DDHD1: variants seen among roughly 807,000 people sequenced by gnomAD.
The protein encoded by DDHD1 is DDHD domain containing 1.
DDHD1 carries 49 observed loss-of-function variants against 96.4 expected under a neutral mutation model. The ratio of observed to expected loss-of-function variants is 0.51; its 90% CI spans 0.40 to 0.64. DDHD1 has a LOEUF of 0.64. Ranked by LOEUF, DDHD1 falls within the 30% of genes least tolerant of loss-of-function variation. The pLI, the probability that DDHD1 is intolerant of heterozygous loss-of-function variation, is 0.00. For synonymous variants in DDHD1, 442 were observed against 446.5 expected (o/e 0.99, Z 0.13); for missense variants, 1,106 against 1,161.2 (o/e 0.95, Z 0.69).
At chr14:53,139,966 A>T (rs1373248621) in intron 1 of DDHD1, among the ~76,000 whole-genome samples, 28 of 152,144 alleles carry the variant, frequency 1.8e-4, no homozygotes, top group Non-Finnish European at 7.4e-5. Context: ...GGTAAGCAAC[A>T]TGTATAATTA....
chr14:53,122,385 T>G (rs1889061456), intron 1 of DDHD1, among the ~76,000 whole-genome samples: 1 of 152,182 alleles, frequency 6.6e-6, no homozygotes, highest in Non-Finnish European at 1.5e-5. Context: ...GGCAGATTTC[T>G]AACAGTCCCC....
chr14:53,102,749 T>G (rs891458075), intron 2 of DDHD1, among the ~76,000 whole-genome samples: 2 of 151,996 alleles, frequency 1.3e-5, no homozygotes, highest in African/African-American at 2.4e-5. Flanking sequence ...TAAAGCTTAG[T>G]GCTGACATTA....
intron 1 of DDHD1, among the ~76,000 whole-genome samples, chr14:53,134,637 G>A (rs922240602): frequency 6.1e-5 from 9 of 147,400 alleles, no homozygotes; most frequent in Admixed American, 1.4e-4. Flanking sequence ...ATTTTTAAAT[G>A]AAGAGTGTTG....
intron 1 of DDHD1, among the ~76,000 whole-genome samples, chr14:53,114,969 A>C (rs1005181286): frequency 2.0e-5 from 3 of 152,216 alleles, no homozygotes; most frequent in Admixed American, 2.0e-4. Context: ...ATGGAGGCTA[A>C]GAACCTTGAT....
intron 6 of DDHD1, among the ~76,000 whole-genome samples, chr14:53,068,170 G>A (rs1041059134): frequency 8.6e-5 from 13 of 150,886 alleles, no homozygotes; most frequent in African/African-American, 2.9e-4. Flanking sequence ...GATGAGATAC[G>A]GTATTTAGCT....
intron 10 of DDHD1, among the ~76,000 whole-genome samples, chr14:53,055,027 A>G (rs537076393): frequency 4.3e-4 from 65 of 152,358 alleles, no homozygotes; most frequent in African/African-American, 1.5e-3. Flanking sequence ...ATCAATAAAC[A>G]ATGTATTAAC....
At chr14:53,141,373 G>C (rs1156410628) in intron 1 of DDHD1, among the ~76,000 whole-genome samples, 1 of 152,152 alleles carries the variant, frequency 6.6e-6, no homozygotes, top group Non-Finnish European at 1.5e-5. Context: ...TTTAGACTAG[G>C]GGGTTTATGA....
At chr14:53,064,986 T>C (rs1883898721) in intron 6 of DDHD1, among the ~76,000 whole-genome samples, 1 of 152,182 alleles carries the variant, frequency 6.6e-6, no homozygotes. Flanking sequence ...GATCCCTTTG[T>C]GACCAAGTGT....
chr14:53,106,989 G>A (rs568370996), intron 1 of DDHD1, among the ~76,000 whole-genome samples: 2 of 152,138 alleles, frequency 1.3e-5, no homozygotes, highest in African/African-American at 4.8e-5. Context: ...TCTCTTGGTT[G>A]TTTTCCTTCC....
At chr14:53,116,829 C>T (rs756788382) in intron 1 of DDHD1, among the ~76,000 whole-genome samples, 20 of 151,994 alleles carry the variant, frequency 1.3e-4, no homozygotes, top group Admixed American at 1.3e-3. Flanking sequence ...GAAGCAAGAG[C>T]AAACAAATTC....
rs114839765 is a variant in DDHD1, at chr14:53,084,841, G to A, written c.1289+6944C>T. Among the ~76,000 whole-genome samples the A allele has an allele frequency of 3.3e-3, 509 of 152,150 alleles. 1 individual carries two copies. Among genetic ancestry groups the A allele is most frequent in the African/African-American group, 0.011 (458 of 41,518 alleles). On this transcript the variant is annotated intron_variant, in intron 4 of 12. Transcript: ENST00000673822. ...TGGGGCATTGCCTCACCCAGGAGGC[G>A]CAAGGGGTCTGGGGATTTCCCTTTC...
intron 1 of DDHD1, among the ~76,000 whole-genome samples, chr14:53,124,624 G>T (rs1016685152): frequency 8.5e-5 from 13 of 152,084 alleles, no homozygotes; most frequent in African/African-American, 2.9e-4. Flanking sequence ...TTTGATAGAG[G>T]TAAAGAATTC....
chr14:53,075,919 G>A (rs1233097074), intron 4 of DDHD1, among the ~76,000 whole-genome samples: 2 of 151,950 alleles, frequency 1.3e-5, no homozygotes, highest in Non-Finnish European at 2.9e-5. Context: ...TAAGCCCACT[G>A]TTGAGACCTA....
rs751442708 is a variant in DDHD1 at position 53,063,168 on chromosome 14, T to C, written c.1541A>G (p.Tyr514Cys). 2.5e-6 allele frequency: 4 copies of C among 1,613,790 alleles called. No homozygotes were observed. The highest frequency in any genetic ancestry group is 1.7e-5 in the Admixed American group (1 of 60,000). ...TGGATTCCGAGAACAGAAAAGGGAA[T>C]ACAATCGATTCAGCTCTTGCTGAAG... is the stretch of plus-strand genomic sequence containing the variant. The part of the protein sequence containing the change: ...KGLQQELNRL[Y>C]SLFCSRNPDF... The change falls in exon 7 of 13, where the codon TAT becomes TGT. Residue 514 changes from tyrosine to cysteine, a missense_variant. Transcript: ENST00000673822.
At chr14:53,110,692 A>G (rs986011776) in intron 1 of DDHD1, among the ~76,000 whole-genome samples, 2 of 152,326 alleles carry the variant, frequency 1.3e-5, no homozygotes, top group Admixed American at 1.3e-4. Flanking sequence ...AGTAACTATC[A>G]TAGCTAGGCG....
chr14:53,135,133 C>T (rs1336996714), intron 1 of DDHD1, among the ~76,000 whole-genome samples: 1 of 152,204 alleles, frequency 6.6e-6, no homozygotes, highest in Admixed American at 6.5e-5. Context: ...TGTCAGGCCT[C>T]TGAGCCCAAG....
At chr14:53,108,443 T>C (rs1887863040) in intron 1 of DDHD1, among the ~76,000 whole-genome samples, 1 of 152,186 alleles carries the variant, frequency 6.6e-6, no homozygotes, top group Non-Finnish European at 1.5e-5. Context: ...ACGTGAGACT[T>C]GCCACAAGCT....
intron 6 of DDHD1, among the ~76,000 whole-genome samples, chr14:53,064,707 T>C (rs1180005900): frequency 6.6e-6 from 1 of 152,136 alleles, no homozygotes; most frequent in Non-Finnish European, 1.5e-5. Context: ...ATGGCCTTTG[T>C]ATTTCCTTAT....
At chr14:53,141,748 T>C (rs1890653912) in intron 1 of DDHD1, among the ~76,000 whole-genome samples, 1 of 152,222 alleles carries the variant, frequency 6.6e-6, no homozygotes, top group Non-Finnish European at 1.5e-5. Context: ...GAAACTTCAC[T>C]GTGACTCCCA....
Sources: allele counts gnomAD v4.1 joint callset (sites outside exome capture counted in the v4.1 genomes callset), GRCh38; gene constraint gnomAD v4.1.1; transcripts MANE v1.5; gene names NCBI Gene and HGNC (gene_info 2026-07-23, HGNC 2026-07-21).